Variants in GRIN2B observed in about 807,000 individuals in gnomAD.
GRIN2B encodes glutamate ionotropic receptor NMDA type subunit 2B.
In GRIN2B, 5 loss-of-function variants were observed where a neutral mutation model predicts 114.5. The observed-to-expected ratio is 0.04, with a 90% CI of 0.02 to 0.09. The LOEUF (loss-of-function observed/expected upper bound fraction) is 0.09, where lower values mean the gene tolerates loss of function less well. Ranked by LOEUF, GRIN2B falls within the 10% of genes least tolerant of loss-of-function variation. The probability of loss-of-function intolerance (pLI) is 1.00; values close to 1 mark genes in which losing one functional copy is unlikely to be tolerated. For missense variants in GRIN2B, 1,108 were observed against 1,943.5 expected, an observed-to-expected ratio of 0.57 and a Z score of 8.08; for synonymous variants, 787 against 745.1, an observed-to-expected ratio of 1.06 and a Z score of -0.92.
intron 3 of GRIN2B, among the ~76,000 whole-genome samples, chr12:13,762,942 G>A (rs1863708493): frequency 6.6e-6 from 1 of 151,496 alleles, no homozygotes; most frequent in South Asian, 2.1e-4. Context: ...TGTTTTTCTA[G>A]GTCTCTAGAT....
At chr12:13,662,813 GC>G (rs1949937325) in intron 5 of GRIN2B, among the ~76,000 whole-genome samples, 1 of 152,104 alleles carries the variant, frequency 6.6e-6, no homozygotes, top group Non-Finnish European at 1.5e-5. Flanking sequence ...TTCTTACTGG[GC>G]TACTGGCTCT....
intron 5 of GRIN2B, among the ~76,000 whole-genome samples, chr12:13,647,799 C>T (rs1312718511): frequency 1.3e-5 from 2 of 152,030 alleles, no homozygotes; most frequent in Admixed American, 1.3e-4. Flanking sequence ...AAATAATGAG[C>T]CTCTCACCAG....
At chr12:13,730,070 T>A (rs937444826) in intron 4 of GRIN2B, among the ~76,000 whole-genome samples, 1 of 151,408 alleles carries the variant, frequency 6.6e-6, no homozygotes, top group African/African-American at 2.4e-5. Flanking sequence ...ATAATTTCCT[T>A]CCTCCTATCG....
chr12:13,616,353 T>G lies in GRIN2B; in HGVS notation c.1328+102A>C. 5.0e-6 allele frequency: 4 copies of G among 807,992 alleles called. No individual in the cohort carries two copies. In the East Asian group the frequency reaches 1.0e-4, roughly 20 times the overall value. 50.1% of individuals were successfully genotyped at this position (807,992 alleles called of 1,614,324 possible). A position where few individuals can be genotyped will look rare whatever the true frequency, so the allele number is the denominator to read the frequency against. On this transcript the variant is annotated intron_variant, in intron 6 of 13. Transcript: ENST00000609686. ...AAAAGCAACTAGAAATCAGACACAGTGCCCAATTCTCATGCCTCAGGTCTC... is the reference window on the plus strand; with the variant it reads ...AAAAGCAACTAGAAATCAGACACAGGGCCCAATTCTCATGCCTCAGGTCTC...
chr12:13,718,561 C>T (rs1051102967), intron 4 of GRIN2B, among the ~76,000 whole-genome samples: 5 of 151,994 alleles, frequency 3.3e-5, no homozygotes, highest in South Asian at 2.1e-4. Flanking sequence ...ATTTTTATGG[C>T]GTTGGAAAGC....
At chr12:13,736,825 T>C (rs185214293) in intron 4 of GRIN2B, among the ~76,000 whole-genome samples, 230 of 151,946 alleles carry the variant, frequency 1.5e-3, no homozygotes, top group African/African-American at 5.4e-3. Context: ...TTCAAGACCA[T>C]CCTGGCTAAC....
chr12:13,841,436 G>A (rs1248680530), intron 3 of GRIN2B, among the ~76,000 whole-genome samples: 1 of 152,158 alleles, frequency 6.6e-6, no homozygotes, highest in Non-Finnish European at 1.5e-5. Context: ...ACAGTACATT[G>A]ATCACTTCCC....
chr12:13,762,457 C>T (rs1399706349), intron 3 of GRIN2B, among the ~76,000 whole-genome samples: 2 of 152,204 alleles, frequency 1.3e-5, no homozygotes, highest in East Asian at 1.9e-4. Context: ...TGGCACTTGA[C>T]GTACTAGCGG....
chr12:13,617,934 C>T (rs1429127407), intron 5 of GRIN2B, among the ~76,000 whole-genome samples: 1 of 152,198 alleles, frequency 6.6e-6, no homozygotes, highest in Non-Finnish European at 1.5e-5. Context: ...CATTATAATG[C>T]AGGCAGTGGC....
At chr12:13,835,491 T>G (rs2136708098) in intron 3 of GRIN2B, among the ~76,000 whole-genome samples, 1 of 151,994 alleles carries the variant, frequency 6.6e-6, no homozygotes, top group South Asian at 2.1e-4. Context: ...AAACAGAAAT[T>G]CATTTGCTAC....
intron 2 of GRIN2B, among the ~76,000 whole-genome samples, chr12:13,930,060 T>A (rs1866998000): frequency 6.6e-6 from 1 of 152,114 alleles, no homozygotes; most frequent in South Asian, 2.1e-4. Context: ...GGCACGCACC[T>A]GCAGTCCCAG....
Position 13,689,672 on chromosome 12 carries a change from G to T in GRIN2B, c.1011-13813C>A, listed in dbSNP as rs145445577. On this transcript the variant is annotated intron_variant, in intron 4 of 13. Transcript: ENST00000609686. ...ATTTCTTAGTGCCACATCACTACTTGCTCAAACATCTCCAATGGCTCCGCA... is the reference window on the plus strand; with the variant it reads ...ATTTCTTAGTGCCACATCACTACTTTCTCAAACATCTCCAATGGCTCCGCA... 3.5e-4 allele frequency among the ~76,000 whole-genome samples: 54 copies of T among 152,144 alleles called. No homozygotes were observed. In the East Asian group the frequency reaches 7.9e-3, roughly 22 times the overall value.
intron 2 of GRIN2B, among the ~76,000 whole-genome samples, chr12:13,907,816 T>G (rs894109688): frequency 6.6e-6 from 1 of 152,082 alleles, no homozygotes; most frequent in African/African-American, 2.4e-5. Flanking sequence ...GAACAAGAGC[T>G]CAAGACATGG....
chr12:13,674,192 T>G (rs1286999272), intron 5 of GRIN2B, among the ~76,000 whole-genome samples: 1 of 152,022 alleles, frequency 6.6e-6, no homozygotes, highest in Non-Finnish European at 1.5e-5. Context: ...AGACCTCATT[T>G]CTACCAAAAA....
chr12:13,607,330 A>T (rs1591637405), intron 10 of GRIN2B, among the ~76,000 whole-genome samples: 1 of 55,462 alleles, frequency 1.8e-5, no homozygotes, highest in African/African-American at 7.3e-5. Context: ...AATATATAAT[A>T]TATATTATAT....
chr12:13,872,454 C>A (rs370783403), intron 2 of GRIN2B, among the ~76,000 whole-genome samples: 231 of 124,090 alleles, frequency 1.9e-3, no homozygotes, highest in East Asian at 2.4e-3. Context: ...GGCTCCGACT[C>A]AAAAAAAAAA....
At chr12:13,967,275 C>G (rs968718086) in intron 2 of GRIN2B, among the ~76,000 whole-genome samples, 17 of 152,326 alleles carry the variant, frequency 1.1e-4, no homozygotes, top group African/African-American at 3.1e-4. Context: ...TTTCTCCACT[C>G]TCTTCATTAT....
In GRIN2B at chr12:13,608,621, A is replaced by C; in HGVS notation, c.1992T>G (p.Ser664=). The C allele has an allele frequency of 1.2e-6, 2 of 1,613,726 alleles. No homozygotes were observed. Among genetic ancestry groups the C allele is most frequent in the East Asian group, 2.2e-5 (1 of 44,874 alleles). Residue 664 remains serine (S), a synonymous_variant, in exon 10 of 14, where the codon TCT becomes TCG. Transcript: ENST00000609686. ...CTCTTACCTTTTTGTCGCTCAGGCC[A>C]GAAACCTGGTCCACATATTCCTCTT... The part of the protein sequence containing the change: ...MIQEEYVDQV[S]GLSDKKFQRP...
At chr12:13,571,209 A>T (rs936337068) in intron 11 of GRIN2B, among the ~76,000 whole-genome samples, 2 of 152,142 alleles carry the variant, frequency 1.3e-5, no homozygotes, top group African/African-American at 4.8e-5. Context: ...TCTGTTATCC[A>T]TTATCTTCCA....
Sources: allele counts gnomAD v4.1 joint callset (sites outside exome capture counted in the v4.1 genomes callset), GRCh38; gene constraint gnomAD v4.1.1; transcripts MANE v1.5; gene names NCBI Gene and HGNC (gene_info 2026-07-23, HGNC 2026-07-21).